PLEKHG1: variants seen among roughly 807,000 people sequenced by gnomAD.
PLEKHG1 encodes the protein pleckstrin homology domain-containing family G member 1.
Under a neutral mutation model 100.8 loss-of-function variants are expected in PLEKHG1, and 44 were observed. That is an observed-to-expected ratio of 0.44 (90% CI 0.34 to 0.56). The LOEUF (loss-of-function observed/expected upper bound fraction) is 0.56, where lower values mean the gene tolerates loss of function less well. Ranked by LOEUF, PLEKHG1 falls within the 20% of genes least tolerant of loss-of-function variation. The pLI is 0.01. For missense variants in PLEKHG1, 1,545 were observed against 1,720.9 expected (o/e 0.90, Z 1.81); for synonymous variants, 640 against 662.5 (o/e 0.97, Z 0.52).
intron 3 of PLEKHG1, among the ~76,000 whole-genome samples, chr6:150,781,971 G>A (rs1785339670): frequency 6.6e-6 from 1 of 151,730 alleles, no homozygotes; most frequent in African/African-American, 2.4e-5. Flanking sequence ...GTAGAGACAG[G>A]GTTTCGCTGT....
intron 1 of PLEKHG1, among the ~76,000 whole-genome samples, chr6:150,626,883 C>T (rs912247299): frequency 3.9e-5 from 6 of 152,144 alleles, no homozygotes; most frequent in Non-Finnish European, 4.4e-5. Context: ...TTACATGAAA[C>T]TATAACCTGA....
chr6:150,831,007 G>C lies in PLEKHG1; in HGVS notation c.1896G>C (p.Gln632His). 2 of 1,614,038 alleles carry C rather than the reference G, an allele frequency of 1.2e-6. No homozygotes were observed. Among genetic ancestry groups the C allele is most frequent in the Non-Finnish European group, 1.7e-6 (2 of 1,180,000 alleles). Residue 632 changes from glutamine (Q) to histidine (H), a missense_variant, in exon 15 of 16, where the codon CAG becomes CAC. Coordinates refer to ENST00000358517, the Ensembl canonical transcript of PLEKHG1. The surrounding 1 kb of genome is among the most constrained non-coding windows in gnomAD (Gnocchi z 4.1). The stretch of plus-strand genomic sequence containing the variant: ...CTAGTGACAGAACTAGGGAACTGCA[G>C]AACAGCCCCAAAACAGAAGGGCAGG...
intron 14 of PLEKHG1, among the ~76,000 whole-genome samples, chr6:150,829,330 TTGGC>T (rs1247769199): frequency 1.3e-5 from 2 of 152,188 alleles, no homozygotes; most frequent in Non-Finnish European, 2.9e-5. Context: ...AATCACTAAT[TTGGC>T]TGGGTGCAGT....
chr6:150,804,155 TTATATATA>T (rs1180400882), intron 6 of PLEKHG1, among the ~76,000 whole-genome samples: 7 of 30,264 alleles, frequency 2.3e-4, no homozygotes, highest in African/African-American at 8.6e-4. Flanking sequence ...TGTAAATATT[TTATATATA>T]TATATATATA....
chr6:150,752,063 G>A (rs1783547489), intron 2 of PLEKHG1, among the ~76,000 whole-genome samples: 1 of 152,080 alleles, frequency 6.6e-6, no homozygotes, highest in Non-Finnish European at 1.5e-5. Flanking sequence ...GAAGGCACCA[G>A]TAATCCCAGC....
At chr6:150,832,367 TCGC>T (rs1776995902) in intron 15 of PLEKHG1, among the ~76,000 whole-genome samples, 162 bp downstream of exon 16, 1 of 152,220 alleles carries the variant, frequency 6.6e-6, no homozygotes, top group Non-Finnish European at 1.5e-5. Flanking sequence ...CTTTCTCACA[TCGC>T]CTCCTGTGAA....
intron 3 of PLEKHG1, among the ~76,000 whole-genome samples, chr6:150,711,904 T>G (rs1229573802): frequency 2.6e-5 from 4 of 152,216 alleles, no homozygotes; most frequent in Non-Finnish European, 5.9e-5. Context: ...GGGGCTACAA[T>G]TTGGCATTGT....
chr6:150,690,093 G>A (rs539270312), intron 3 of PLEKHG1, among the ~76,000 whole-genome samples: 4 of 152,312 alleles, frequency 2.6e-5, no homozygotes, highest in Non-Finnish European at 4.4e-5. Flanking sequence ...CCTGCCTTTA[G>A]TGACCTTTTG....
chr6:150,806,634 C>T (rs1787123835), intron 7 of PLEKHG1, among the ~76,000 whole-genome samples: 1 of 149,746 alleles, frequency 6.7e-6, no homozygotes, highest in Non-Finnish European at 1.5e-5. Context: ...CATTGCACTC[C>T]AGCCTGGGTG....
intron 3 of PLEKHG1, among the ~76,000 whole-genome samples, chr6:150,668,915 G>T (rs1383322567): frequency 6.6e-6 from 1 of 152,146 alleles, no homozygotes; most frequent in African/African-American, 2.4e-5. Flanking sequence ...TAAAATGGCA[G>T]CTGAATTATT....
chr6:150,805,137 G>C (rs1786987001), intron 7 of PLEKHG1, among the ~76,000 whole-genome samples: 1 of 151,942 alleles, frequency 6.6e-6, no homozygotes, highest in Non-Finnish European at 1.5e-5. Context: ...GTTTCTCCAT[G>C]TTGGTCAGGC....
chr6:150,817,918 G>A (rs111279974), intron 10 of PLEKHG1, among the ~76,000 whole-genome samples: 5 of 151,914 alleles, frequency 3.3e-5, no homozygotes, highest in African/African-American at 1.2e-4. Flanking sequence ...GCCAGGCTTC[G>A]GAACCAGCCT....
chr6:150,769,290 G>A (rs933595545), intron 3 of PLEKHG1, among the ~76,000 whole-genome samples: 1 of 152,054 alleles, frequency 6.6e-6, no homozygotes, highest in Non-Finnish European at 1.5e-5. Context: ...CTTCTTGAAA[G>A]TAAAGTTAGG....
At chr6:150,804,326 T>C (rs1245495840) in intron 6 of PLEKHG1, among the ~76,000 whole-genome samples, 4 of 149,586 alleles carry the variant, frequency 2.7e-5, no homozygotes, top group Non-Finnish European at 4.4e-5. Flanking sequence ...ACTGGGACTA[T>C]AGGCATGTGC....
chr6:150,761,099 C>CTTTTTTTTTT (rs35068801), intron 2 of PLEKHG1, among the ~76,000 whole-genome samples: 35 of 95,954 alleles, frequency 3.6e-4, no homozygotes, highest in Non-Finnish European at 5.4e-4. Flanking sequence ...TTCTTTTTTT[C>CTTTTTTTTTT]TTTTTTTTTT....
At chr6:150,675,123 T>C (rs1435244415) in intron 3 of PLEKHG1, among the ~76,000 whole-genome samples, 1 of 152,240 alleles carries the variant, frequency 6.6e-6, no homozygotes, top group African/African-American at 2.4e-5. Context: ...GGCAGCATTT[T>C]GGGAGTTCAC....
chr6:150,679,652 G>A (rs886198452), intron 3 of PLEKHG1, among the ~76,000 whole-genome samples: 11 of 152,288 alleles, frequency 7.2e-5, no homozygotes, highest in East Asian at 1.9e-4. Context: ...GCAAGCATTC[G>A]TTGAGTATGT....
chr6:150,819,429 G>C (rs1776174497), intron 11 of PLEKHG1, among the ~76,000 whole-genome samples: 1 of 151,964 alleles, frequency 6.6e-6, no homozygotes, highest in Admixed American at 6.6e-5. Context: ...GTCAGGCATG[G>C]TGGCACGCGC....
At chr6:150,752,765 T>C (rs2128630115) in intron 2 of PLEKHG1, among the ~76,000 whole-genome samples, 1 of 152,216 alleles carries the variant, frequency 6.6e-6, no homozygotes, top group Non-Finnish European at 1.5e-5. Context: ...AATGCAGACA[T>C]GATGAGAAAT....
Sources: gnomAD v4.1 joint callset for allele counts (sites outside exome capture counted in the v4.1 genomes callset) on GRCh38, gnomAD v4.1.1 for gene constraint, Gnocchi (gnomAD v3.1) non-coding constraint, MANE v1.5 for transcripts, NCBI Gene and HGNC (gene_info 2026-07-23, HGNC 2026-07-21) for gene names.